The following KIF15 variants were observed in gnomAD, a reference collection of about 807,000 sequenced individuals.
KIF15 encodes the protein kinesin-like protein KIF15.
KIF15 carries 140 observed loss-of-function variants against 190.6 expected under a neutral mutation model. The observed-to-expected ratio is 0.73, with a 90% CI of 0.64 to 0.84. The LOEUF (loss-of-function observed/expected upper bound fraction) is 0.84, where lower values mean the gene tolerates loss of function less well. KIF15 is among the 40% of genes least tolerant of loss of function. The pLI is 0.00. For synonymous variants in KIF15, 528 were observed against 551.3 expected (o/e 0.96, Z 0.59); for missense variants, 1,372 against 1,584.4 (o/e 0.87, Z 2.28).
In KIF15 at chr3:44,843,213, T is replaced by C; in HGVS notation, c.3674T>C (p.Ile1225Thr). 2 of 1,612,626 alleles carry C rather than the reference T, an allele frequency of 1.2e-6. No homozygotes were observed. ...NWLLQGQLDD[I>T]KRQKENSDQN... is the part of the protein sequence containing the mutation. The stretch of plus-strand genomic sequence containing the variant: ...CTCCTGCAAGGTCAGCTGGATGATA[T>C]TAAAAGACAAAAGGAAAACAGGTGA... The change falls in exon 30 of 35, where the codon ATT becomes ACT. Residue 1225 changes from isoleucine (I) to threonine (T), a missense_variant. Transcript: ENST00000326047.
intron 1 of KIF15, among the ~76,000 whole-genome samples, chr3:44,765,056 G>C (rs1705321112): frequency 6.6e-6 from 1 of 152,208 alleles, no homozygotes; most frequent in Admixed American, 6.5e-5. Flanking sequence ...TCTGGATTTA[G>C]CATGCCTTCG....
chr3:44,863,358 G>A (rs1699284628), intron 6 of KIF15: 1 of 134,108 alleles, frequency 7.5e-6, no homozygotes, highest in South Asian at 2.7e-4. Context: ...CCAAGCAAGG[G>A]GGACTGCATA....
chr3:44,790,366 A>G (rs1346782698), intron 7 of KIF15, among the ~76,000 whole-genome samples: 1 of 151,910 alleles, frequency 6.6e-6, no homozygotes, highest in Non-Finnish European at 1.5e-5. Flanking sequence ...TTTATTAGAG[A>G]TGGGGTTTTG....
chr3:44,852,301 G>A lies in KIF15; in HGVS notation c.4066G>A (p.Val1356Ile), dbSNP rs778709122. The A allele has an allele frequency of 1.1e-5, 17 of 1,612,244 alleles. No homozygotes were observed. Among genetic ancestry groups the A allele is most frequent in the Middle Eastern group, 1.6e-4 (1 of 6,080 alleles). Residue 1356 changes from valine to isoleucine, a missense_variant, in exon 34 of 35, where the codon GTA becomes ATA. Physicochemically the swap from Val to Ile is conservative, Grantham distance 29. Transcript: ENST00000326047. The stretch of plus-strand genomic sequence containing the variant: ...AAATTTGCATCAGAAGATTCAGTAC[G>A]TAGTGCGACTAAAGAAGGAAAATGT... ...HQNLHQKIQY[V>I]VRLKKENVRL...
chr3:44,772,264 A>G (rs190755314), intron 1 of KIF15, among the ~76,000 whole-genome samples: 177 of 152,354 alleles, frequency 1.2e-3, no homozygotes, highest in African/African-American at 3.7e-3. Context: ...GTAAACAGGT[A>G]TAGCTAGAAG....
chr3:44,821,866 A>G (rs914132537), intron 20 of KIF15, among the ~76,000 whole-genome samples: 4 of 152,232 alleles, frequency 2.6e-5, no homozygotes, highest in Non-Finnish European at 5.9e-5. Context: ...CTCCGTCTGC[A>G]ATCCCGGCAC....
intron 1 of KIF15, among the ~76,000 whole-genome samples, chr3:44,764,776 A>G (rs1705311425): frequency 6.6e-6 from 1 of 152,106 alleles, no homozygotes; most frequent in Non-Finnish European, 1.5e-5. Context: ...AGCTGGGACT[A>G]CAGGCAACCA....
rs866146544 is a variant in KIF15 at position 44,765,445 on chromosome 3, C to T, written c.19+3561C>T. ...ATACTGTTAAGCCTTTGATATTGCTCCTCAGGAATCCAAAGCTCCAGCTTT... is the reference window on the plus strand; with the variant it reads ...ATACTGTTAAGCCTTTGATATTGCTTCTCAGGAATCCAAAGCTCCAGCTTT... On this transcript the variant is annotated intron_variant, in intron 1 of 34. Coordinates refer to ENST00000326047, the MANE Select transcript of KIF15 (RefSeq NM_020242.3). Among the ~76,000 whole-genome samples, 11 of 152,266 alleles carry T rather than the reference C, an allele frequency of 7.2e-5. No individual in the cohort carries two copies. The South Asian group carries it at 1.9e-3, about 26-fold the overall frequency.
At chr3:44,843,019 G>A in intron 29 of KIF15, 106 bp from the exon 30 acceptor site, 1 of 743,206 alleles carries the variant, frequency 1.3e-6, no homozygotes, top group Non-Finnish European at 2.2e-6. Context: ...CAGTGTCTCT[G>A]CATAGGAACT....
chr3:44,847,375 G>A (rs1439275321), intron 30 of KIF15, among the ~76,000 whole-genome samples: 2 of 152,182 alleles, frequency 1.3e-5, no homozygotes, highest in Non-Finnish European at 2.9e-5. Flanking sequence ...GGCTCACAGA[G>A]ATAGATGTAT....
intron 6 of KIF15, among the ~76,000 whole-genome samples, chr3:44,866,070 GTTTTTTT>G (rs1699318971): frequency 2.3e-5 from 3 of 131,494 alleles, no homozygotes; most frequent in Non-Finnish European, 3.2e-5. Context: ...TTGTTTTTTT[GTTTTTTT>G]GGGTTTTTTT....
chr3:44,824,960 A>G (rs1697563010), intron 20 of KIF15, among the ~76,000 whole-genome samples: 1 of 152,122 alleles, frequency 6.6e-6, no homozygotes, highest in African/African-American at 2.4e-5. Context: ...GAGTTTCGCC[A>G]TGTTGTCCAG....
At chr3:44,794,682 C>A (rs1706885927) in intron 8 of KIF15, among the ~76,000 whole-genome samples, 2 of 152,128 alleles carry the variant, frequency 1.3e-5, no homozygotes, top group Non-Finnish European at 2.9e-5. Context: ...CCCCTGTTAG[C>A]CGGGCGCGGT....
intron 7 of KIF15, among the ~76,000 whole-genome samples, chr3:44,789,691 T>TATATATATAA (rs1200236750): frequency 3.6e-5 from 4 of 109,768 alleles, no homozygotes; most frequent in East Asian, 5.1e-4. Context: ...TATATATATA[T>TATATATATAA]AAAATAGATA....
At chr3:44,780,256 T>G (rs1706104455) in intron 4 of KIF15, among the ~76,000 whole-genome samples, 1 of 152,100 alleles carries the variant, frequency 6.6e-6, no homozygotes, top group Non-Finnish European at 1.5e-5. Flanking sequence ...ACTTTTAGTT[T>G]TTTGTTACTC....
Position 44,829,952 on chromosome 3 carries a change from T to C in KIF15, c.2944-19T>C, listed in dbSNP as rs755620207. The C allele has an allele frequency of 1.4e-6, 2 of 1,468,696 alleles. No individual in the cohort carries two copies. Among genetic ancestry groups the C allele is most frequent in the Non-Finnish European group, 1.8e-6 (2 of 1,090,550 alleles). The allele number at this position is 1,468,696 out of a possible 1,614,324, so 91.0% of individuals were successfully genotyped here. On this transcript the variant is annotated intron_variant, in intron 24 of 34. Coordinates refer to ENST00000326047, the MANE Select transcript of KIF15 (RefSeq NM_020242.3). ...CTTAATGTCATTGGGTATGAAGATA[T>C]TATTTCTGTCCTCATCAGAAAGTTG...
intron 7 of KIF15, among the ~76,000 whole-genome samples, chr3:44,788,887 A>C (rs1425503552): frequency 6.6e-6 from 1 of 152,234 alleles, no homozygotes; most frequent in Non-Finnish European, 1.5e-5. Context: ...CTACAAAACA[A>C]TATTTTAATA....
rs1294333606 is a variant in KIF15 at position 44,853,061 on chromosome 3, C to T, written c.*326C>T. The T allele has an allele frequency of 2.8e-5, 5 of 176,124 alleles. No individual in the cohort carries two copies. Among genetic ancestry groups the T allele is most frequent in the Non-Finnish European group, 5.9e-5 (5 of 84,540 alleles). 10.9% of individuals were successfully genotyped at this position (176,124 alleles called of 1,614,324 possible). On this transcript the variant is annotated 3_prime_UTR_variant, in exon 35 of 35. Transcript: ENST00000326047. ...CAGATCATTTTCTTCTTAGATTATGCCATAATCTCCTTTGATTCTTATGGA... is the reference window on the plus strand; with the variant it reads ...CAGATCATTTTCTTCTTAGATTATGTCATAATCTCCTTTGATTCTTATGGA...
At chr3:44,794,544 T>A in intron 8 of KIF15, 118 bp downstream of exon 8, 1 of 720,084 alleles carries the variant, frequency 1.4e-6, no homozygotes, top group Non-Finnish European at 2.3e-6. Context: ...GGGGGTCCCT[T>A]AAGAGTATAA....
Sources: gnomAD v4.1 joint callset for allele counts (sites outside exome capture counted in the v4.1 genomes callset) on GRCh38, gnomAD v4.1.1 for gene constraint, MANE v1.5 for transcripts, NCBI Gene and HGNC (gene_info 2026-07-23, HGNC 2026-07-21) for gene names.